Variants in CSMD3 observed in about 807,000 individuals in gnomAD.
CSMD3 encodes the protein CUB and sushi domain-containing protein 3.
CSMD3 carries 177 observed loss-of-function variants against 435.2 expected under a neutral mutation model. The ratio of observed to expected loss-of-function variants is 0.41; its 90% CI spans 0.36 to 0.46. The LOEUF is 0.46. Ranked by LOEUF, CSMD3 falls within the 20% of genes least tolerant of loss-of-function variation. The pLI is 0.34. For synonymous variants in CSMD3, 1,656 were observed against 1,520.5 expected (o/e 1.09, Z -2.07); for missense variants, 4,265 against 4,504.6 (o/e 0.95, Z 1.52).
rs1302476487 is a variant in CSMD3 at position 112,829,731 on chromosome 8, A to G, written c.1814T>C (p.Ile605Thr). ...ATCTCCAACTTCGCCCCCATCGCCA[A>G]TTGTCAAGGTATCATAGCCAATCTC... Reference protein sequence around the residue: ...DLEIGYDTLTIGDGGEVGDPR... With the variant: ...DLEIGYDTLTTGDGGEVGDPR... The change falls in exon 12 of 71, where the codon ATT (isoleucine) becomes ACT (threonine). Residue 605 changes from isoleucine (I) to threonine (T), a missense_variant. Coordinates refer to ENST00000297405, the MANE Select transcript of CSMD3 (RefSeq NM_198123.2). 3.7e-6 allele frequency: 6 copies of G among 1,613,596 alleles called. No individual in the cohort carries two copies. The highest frequency in any genetic ancestry group is 1.1e-5 in the South Asian group (1 of 91,064).
At chr8:112,306,463 C>T (rs577170256) in intron 50 of CSMD3, among the ~76,000 whole-genome samples, 1 of 152,214 alleles carries the variant, frequency 6.6e-6, no homozygotes, top group African/African-American at 2.4e-5. Flanking sequence ...TGATCATGTG[C>T]ATGGTTATCA....
intron 13 of CSMD3, among the ~76,000 whole-genome samples, chr8:112,721,375 A>G (rs534987840): frequency 2.6e-5 from 4 of 152,110 alleles, no homozygotes; most frequent in African/African-American, 9.6e-5. Flanking sequence ...AGGAGTTTCA[A>G]ATCAGCCTGG....
intron 3 of CSMD3, among the ~76,000 whole-genome samples, chr8:113,261,292 A>C (rs1196219244): frequency 6.6e-6 from 1 of 152,142 alleles, no homozygotes. Flanking sequence ...TAATGTCTGC[A>C]CAAAATGTTT....
At chr8:112,228,145 A>G (rs1299950416) in intron 70 of CSMD3, among the ~76,000 whole-genome samples, 2 of 152,192 alleles carry the variant, frequency 1.3e-5, no homozygotes, top group African/African-American at 2.4e-5. Context: ...GATTGTCCCA[A>G]ATAGTGGGAT....
At chr8:113,391,704 G>A (rs1249591023) in intron 1 of CSMD3, among the ~76,000 whole-genome samples, 2 of 151,976 alleles carry the variant, frequency 1.3e-5, no homozygotes, top group Admixed American at 6.6e-5. Flanking sequence ...GTGAGAAGAT[G>A]CAATTGACAG....
chr8:113,014,892 T>A (rs977334145), intron 6 of CSMD3, among the ~76,000 whole-genome samples: 1 of 152,168 alleles, frequency 6.6e-6, no homozygotes, highest in African/African-American at 2.4e-5. Flanking sequence ...TCTTAATACC[T>A]TTTAATTTAC....
intron 32 of CSMD3, among the ~76,000 whole-genome samples, chr8:112,412,698 T>A (rs1811486099): frequency 6.6e-6 from 1 of 152,156 alleles, no homozygotes; most frequent in Non-Finnish European, 1.5e-5. Flanking sequence ...AAACTATATC[T>A]GAGCCTATTA....
intron 24 of CSMD3, among the ~76,000 whole-genome samples, chr8:112,563,565 C>T (rs549979704): frequency 6.6e-6 from 1 of 151,856 alleles, no homozygotes; most frequent in South Asian, 2.1e-4. Context: ...TAGATTTGTA[C>T]CACATTCTAG....
intron 35 of CSMD3, among the ~76,000 whole-genome samples, chr8:112,394,515 T>A (rs1175004880): frequency 1.3e-5 from 2 of 152,168 alleles, no homozygotes; most frequent in Admixed American, 6.5e-5. Context: ...GCTCTGCCTC[T>A]CTAAACTCAT....
chr8:112,296,878 T>C (rs1166126561), intron 53 of CSMD3, among the ~76,000 whole-genome samples: 1 of 151,758 alleles, frequency 6.6e-6, no homozygotes, highest in African/African-American at 2.4e-5. Context: ...GAGAATAAAA[T>C]TGTCAATAAC....
intron 10 of CSMD3, among the ~76,000 whole-genome samples, chr8:112,900,471 G>C (rs2082082717): frequency 6.6e-6 from 1 of 151,160 alleles, no homozygotes; most frequent in Non-Finnish European, 1.5e-5. Flanking sequence ...TTCATAGTAT[G>C]TGCAACTGAT....
At chr8:112,464,996 C>T (rs1817818316) in intron 32 of CSMD3, among the ~76,000 whole-genome samples, 1 of 152,168 alleles carries the variant, frequency 6.6e-6, no homozygotes, top group African/African-American at 2.4e-5. Context: ...GTCTTTGGCA[C>T]TTACAATAGG....
chr8:112,403,684 A>C (rs1161536779), intron 35 of CSMD3, among the ~76,000 whole-genome samples: 3 of 152,020 alleles, frequency 2.0e-5, no homozygotes, highest in Admixed American at 1.3e-4. Context: ...CCCGAGACCT[A>C]GTCACCTTCC....
chr8:113,274,388 G>A (rs191773689), intron 3 of CSMD3, among the ~76,000 whole-genome samples: 125 of 152,212 alleles, frequency 8.2e-4, no homozygotes, highest in Admixed American at 2.0e-3. Flanking sequence ...AAAGGAAAAG[G>A]TGAGAACTGG....
intron 3 of CSMD3, among the ~76,000 whole-genome samples, chr8:113,193,031 T>C (rs933519185): frequency 2.6e-5 from 4 of 151,558 alleles, no homozygotes; most frequent in African/African-American, 9.7e-5. Flanking sequence ...ATTTCTTTCC[T>C]ATTGAACTGC....
intron 70 of CSMD3, among the ~76,000 whole-genome samples, chr8:112,227,404 T>A (rs567972457): frequency 1.3e-5 from 2 of 151,796 alleles, no homozygotes; most frequent in Admixed American, 1.3e-4. Context: ...ATGAGGGGAG[T>A]GAGGAGTGAC....
intron 1 of CSMD3, among the ~76,000 whole-genome samples, chr8:113,405,611 G>A (rs560671276): frequency 7.7e-4 from 117 of 151,724 alleles, no homozygotes; most frequent in African/African-American, 2.5e-3. Flanking sequence ...ACCTGTAAAC[G>A]GAGGGAAGAA....
intron 58 of CSMD3, among the ~76,000 whole-genome samples, chr8:112,286,356 A>T (rs2130625836): frequency 6.6e-6 from 1 of 152,218 alleles, no homozygotes; most frequent in East Asian, 1.9e-4. Flanking sequence ...GAAATAGCCA[A>T]TCCATATATT....
chr8:113,201,764 A>G (rs1264120173), intron 3 of CSMD3, among the ~76,000 whole-genome samples: 2 of 152,094 alleles, frequency 1.3e-5, no homozygotes, highest in African/African-American at 4.8e-5. Flanking sequence ...GTTTATTTCT[A>G]ATTTATCCCA....
Sources: gnomAD v4.1 joint callset for allele counts (sites outside exome capture counted in the v4.1 genomes callset) on GRCh38, gnomAD v4.1.1 for gene constraint, MANE v1.5 for transcripts, NCBI Gene and HGNC (gene_info 2026-07-23, HGNC 2026-07-21) for gene names.